Variants in NRDE2 observed in about 807,000 individuals in gnomAD.
NRDE2 encodes nuclear exosome regulator NRDE2.
NRDE2 carries 76 observed loss-of-function variants against 124.2 expected under a neutral mutation model. The ratio of observed to expected loss-of-function variants is 0.61; its 90% CI spans 0.51 to 0.74. The LOEUF is 0.74. Among genes scored for constraint, NRDE2 ranks in the 30% least tolerant of loss-of-function variants. The pLI is 0.00. For missense variants in NRDE2, 1,314 were observed against 1,417.3 expected (o/e 0.93, Z 1.17); for synonymous variants, 489 against 528.1 (o/e 0.93, Z 1.01).
At chr14:90,294,673 TG>T (rs981415048) in intron 8 of NRDE2, among the ~76,000 whole-genome samples, 2 of 151,898 alleles carry the variant, frequency 1.3e-5, no homozygotes, top group East Asian at 1.9e-4. Flanking sequence ...TGCTGGGGCC[TG>T]GGGGGAGGGA....
intron 1 of NRDE2, among the ~76,000 whole-genome samples, chr14:90,323,578 A>C (rs1885315321): frequency 6.6e-6 from 1 of 152,226 alleles, no homozygotes; most frequent in Non-Finnish European, 1.5e-5. Flanking sequence ...TAAAATGAGT[A>C]AGTCTAACAA....
intron 13 of NRDE2, 58 bp downstream of exon 13, chr14:90,279,004 C>T (rs375398884): frequency 2.2e-5 from 27 of 1,229,110 alleles, no homozygotes; most frequent in African/African-American, 1.3e-4. Flanking sequence ...ACTAGCTGGA[C>T]GGAGACCTGG....
At chr14:90,280,232 C>G (rs1891916668) in intron 12 of NRDE2, 1 of 152,380 alleles carries the variant, frequency 6.6e-6, no homozygotes, top group African/African-American at 2.4e-5. Context: ...ATGGCCAGTC[C>G]TTCTCAACCG....
chr14:90,274,072 C>T lies in NRDE2; in HGVS notation c.*4264G>A, dbSNP rs115386640. On this transcript the variant is annotated 3_prime_UTR_variant, in exon 14 of 14. Coordinates refer to ENST00000354366, the MANE Select transcript of NRDE2 (RefSeq NM_017970.4). ...TGTGGCCATCTTTAGGGGCGCCACT[C>T]TGCCTACCACAGAGGACATCCACAC... The T allele has an allele frequency of 7.3e-3, 1,132 of 154,964 alleles. 17 individuals are homozygous for T. Among genetic ancestry groups the T allele is most frequent in the African/African-American group, 0.026 (1,064 of 41,596 alleles). 9.6% of individuals were successfully genotyped at this position (154,964 alleles called of 1,614,324 possible).
intron 4 of NRDE2, among the ~76,000 whole-genome samples, chr14:90,309,170 AAAAG>A (rs1409023861): frequency 1.3e-5 from 2 of 152,098 alleles, no homozygotes; most frequent in Non-Finnish European, 2.9e-5. Context: ...CCCAAGAGAA[AAAAG>A]AAAGAAAGAA....
At chr14:90,312,865 C>T (rs1322693214) in intron 3 of NRDE2, among the ~76,000 whole-genome samples, 2 of 152,142 alleles carry the variant, frequency 1.3e-5, no homozygotes, top group Admixed American at 1.3e-4. Context: ...ATTACTGTAA[C>T]CTGAATTTCA....
intron 6 of NRDE2, chr14:90,301,624 CATAAAAATAAGT>C: frequency 2.2e-6 from 1 of 451,208 alleles, no homozygotes; most frequent in East Asian, 5.1e-5. Context: ...ATATATAGTA[CATAAAAATAAGT>C]CAAGAGGTTG....
intron 1 of NRDE2, among the ~76,000 whole-genome samples, chr14:90,318,725 G>A (rs184999668): frequency 7.6e-4 from 116 of 152,270 alleles, no homozygotes; most frequent in Admixed American, 1.8e-3. Context: ...CTTGAACCTG[G>A]GAGGCAGAGG....
At chr14:90,298,558 G>A (rs749335361) in intron 7 of NRDE2, among the ~76,000 whole-genome samples, 178 bp from the exon 8 acceptor site, 20 of 152,156 alleles carry the variant, frequency 1.3e-4, no homozygotes, top group Non-Finnish European at 2.2e-4. Flanking sequence ...TCTATCTAGC[G>A]TGGCAGGCAG....
chr14:90,284,924 C>T (rs983009589), intron 12 of NRDE2, among the ~76,000 whole-genome samples: 3 of 152,112 alleles, frequency 2.0e-5, no homozygotes, highest in African/African-American at 7.2e-5. Flanking sequence ...CAAAATTGAA[C>T]GGTGTCTCAC....
intron 4 of NRDE2, among the ~76,000 whole-genome samples, chr14:90,310,747 T>C (rs1027940427): frequency 6.6e-6 from 1 of 152,146 alleles, no homozygotes; most frequent in African/African-American, 2.4e-5. Context: ...CTTGAACTCC[T>C]GACCTCAAGT....
chr14:90,268,155 A>G lies in NRDE2; in HGVS notation c.*10181T>C, dbSNP rs914332403. On this transcript the variant is annotated 3_prime_UTR_variant, in exon 14 of 14. Coordinates refer to ENST00000354366, the MANE Select transcript of NRDE2 (RefSeq NM_017970.4). Reference sequence around the variant, plus strand: ...TTGGTGTCCATTTAAGGTGGTAATGATACGAGTTTTTAAGTTAAAATGGCA... The same window carrying G: ...TTGGTGTCCATTTAAGGTGGTAATGGTACGAGTTTTTAAGTTAAAATGGCA... The G allele has an allele frequency of 5.4e-6, 7 of 1,307,488 alleles. No individual in the cohort carries two copies. The highest frequency in any genetic ancestry group is 2.7e-4 in the Middle Eastern group (1 of 3,702). The allele number at this position is 1,307,488 out of a possible 1,614,324, so 81.0% of individuals were successfully genotyped here.
chr14:90,287,966 A>T (rs1310242754), intron 11 of NRDE2, among the ~76,000 whole-genome samples: 1 of 152,116 alleles, frequency 6.6e-6, no homozygotes, highest in Non-Finnish European at 1.5e-5. Context: ...ATGCACACAG[A>T]AACAACATTC....
In NRDE2 at chr14:90,270,993, A is replaced by G. The variant is rs1727141909; in HGVS notation, c.*7343T>C. 6.6e-6 allele frequency: 1 copy of G among 152,232 alleles called. No individual in the cohort carries two copies. The highest frequency in any genetic ancestry group is 2.1e-4 in the South Asian group (1 of 4,836). The allele number at this position is 152,232 out of a possible 1,614,324, so 9.4% of individuals were successfully genotyped here. ...CCACGGATCATTGGCAGTTAGTCCTAGAGAACTAGATGTCTCTGTTGGCAA... is the reference window on the plus strand; with the variant it reads ...CCACGGATCATTGGCAGTTAGTCCTGGAGAACTAGATGTCTCTGTTGGCAA... On this transcript the variant is annotated 3_prime_UTR_variant, in exon 14 of 14. Coordinates refer to ENST00000354366, the MANE Select transcript of NRDE2 (RefSeq NM_017970.4).
intron 8 of NRDE2, among the ~76,000 whole-genome samples, chr14:90,293,081 A>C (rs1225034469): frequency 1.3e-5 from 2 of 152,158 alleles, no homozygotes; most frequent in African/African-American, 2.4e-5. Context: ...TGATCAAATC[A>C]AATTATTTTT....
chr14:90,311,227 T>C (rs1884825043), intron 4 of NRDE2, among the ~76,000 whole-genome samples: 1 of 152,236 alleles, frequency 6.6e-6, no homozygotes, highest in South Asian at 2.1e-4. Context: ...ATTCTCATTA[T>C]CTGTAAACTA....
intron 9 of NRDE2, among the ~76,000 whole-genome samples, chr14:90,292,112 G>GT (rs1423374833): frequency 6.6e-6 from 1 of 152,196 alleles, no homozygotes; most frequent in Non-Finnish European, 1.5e-5. Flanking sequence ...AAGTCACACG[G>GT]TAACAGTAAA....
At chr14:90,315,300 G>A (rs1220156223) in intron 3 of NRDE2, among the ~76,000 whole-genome samples, 1 of 151,934 alleles carries the variant, frequency 6.6e-6, no homozygotes, top group Non-Finnish European at 1.5e-5. Flanking sequence ...GAACCCGGGA[G>A]GCGGAGGTTG....
chr14:90,290,191 C>T (rs1374718676), intron 10 of NRDE2, 30 bp downstream of exon 10: 1 of 1,599,358 alleles, frequency 6.3e-7, no homozygotes, highest in Non-Finnish European at 8.5e-7. Context: ...TGAAAAGTCC[C>T]CAAACATGGG....
Sources: gnomAD v4.1 joint callset for allele counts (sites outside exome capture counted in the v4.1 genomes callset) on GRCh38, gnomAD v4.1.1 for gene constraint, MANE v1.5 for transcripts, NCBI Gene and HGNC (gene_info 2026-07-23, HGNC 2026-07-21) for gene names.